EYA1: variants seen among roughly 807,000 people sequenced by gnomAD.
EYA1 encodes EYA transcriptional coactivator and phosphatase 1, also known as protein phosphatase EYA1.
A neutral mutation model predicts 82.0 loss-of-function variants in EYA1; 16 were observed. The observed-to-expected ratio is 0.20, with a 90% CI of 0.13 to 0.30. EYA1 has a LOEUF of 0.30. Among genes scored for constraint, EYA1 ranks in the 10% least tolerant of loss-of-function variants. The pLI is 1.00. For missense variants in EYA1, 633 were observed against 730.7 expected (o/e 0.87, Z 1.54); for synonymous variants, 261 against 264.4 (o/e 0.99, Z 0.12).
chr8:71,221,136 G>A (rs1412751246), intron 12 of EYA1, among the ~76,000 whole-genome samples: 2 of 152,168 alleles, frequency 1.3e-5, no homozygotes, highest in Non-Finnish European at 2.9e-5. Flanking sequence ...ACATCAGGAG[G>A]GACAGCCTGG....
intron 12 of EYA1, among the ~76,000 whole-genome samples, chr8:71,239,139 T>C (rs1460301732): frequency 1.3e-5 from 2 of 152,198 alleles, no homozygotes; most frequent in East Asian, 3.8e-4. Context: ...AATTATTCAT[T>C]AGTAATAATA....
At chr8:71,494,022 C>CAAAAAAAAAAAAAAAAAAAAAA (rs34340467) in intron 2 of EYA1, among the ~76,000 whole-genome samples, 7 of 41,858 alleles carry the variant, frequency 1.7e-4, no homozygotes, top group Admixed American at 3.4e-4. Context: ...GACTCCGTCT[C>CAAAAAAAAAAAAAAAAAAAAAA]AAAAAAAAAA....
At chr8:71,348,601 A>G (rs1210935546) in intron 3 of EYA1, among the ~76,000 whole-genome samples, 1 of 152,180 alleles carries the variant, frequency 6.6e-6, no homozygotes, top group African/African-American at 2.4e-5. Context: ...TGGGGTTCCT[A>G]TTCTTATTAT....
At position 71,359,003 on chromosome 8, in the gene EYA1, T is replaced by C. The variant is rs571087620; in HGVS notation, c.-54-2492A>G. ...GGTATTTTTAATTTAAATACTTCTA[T>C]GAGTGCAAAAATATTTCCCATAACA... On this transcript the variant is annotated intron_variant, in intron 1 of 17. Coordinates refer to ENST00000340726, the MANE Select transcript of EYA1 (RefSeq NM_000503.6). 1.4e-4 allele frequency among the ~76,000 whole-genome samples: 21 copies of C among 152,266 alleles called. No individual in the cohort carries two copies. In the East Asian group the frequency reaches 4.0e-3, roughly 29 times the overall value.
At chr8:71,207,475 A>G (rs1807946213) in intron 17 of EYA1, among the ~76,000 whole-genome samples, 1 of 152,252 alleles carries the variant, frequency 6.6e-6, no homozygotes. Context: ...CATTTTACAC[A>G]TCCACACAGG....
At chr8:71,265,483 A>G (rs1815685243) in intron 11 of EYA1, among the ~76,000 whole-genome samples, 1 of 152,250 alleles carries the variant, frequency 6.6e-6, no homozygotes, top group Non-Finnish European at 1.5e-5. Flanking sequence ...TTTAAGATCC[A>G]TTCTAGCCCA....
At chr8:71,402,919 T>G (rs1830031840) in intron 2 of EYA1, among the ~76,000 whole-genome samples, 1 of 152,214 alleles carries the variant, frequency 6.6e-6, no homozygotes, top group Non-Finnish European at 1.5e-5. Flanking sequence ...AAAATTTGCA[T>G]GCACACTATG....
chr8:71,408,703 G>C (rs1487587241), intron 2 of EYA1, among the ~76,000 whole-genome samples: 1 of 122,460 alleles, frequency 8.2e-6, no homozygotes, highest in African/African-American at 3.4e-5. Flanking sequence ...CCCAATACAG[G>C]AGCACCCAGA....
At chr8:71,543,952 A>T (rs1815353075) in intron 1 of EYA1, among the ~76,000 whole-genome samples, 1 of 152,068 alleles carries the variant, frequency 6.6e-6, no homozygotes, top group South Asian at 2.1e-4. Context: ...CAGTTCCCTC[A>T]TTTCCTGGAT....
intron 4 of EYA1, among the ~76,000 whole-genome samples, chr8:71,322,719 A>G (rs1426981965): frequency 2.0e-5 from 3 of 152,218 alleles, no homozygotes; most frequent in African/African-American, 7.2e-5. Flanking sequence ...CTGTATTACC[A>G]AGAAACATGG....
intron 4 of EYA1, among the ~76,000 whole-genome samples, chr8:71,326,841 C>G (rs1278742324): frequency 6.6e-6 from 1 of 152,170 alleles, no homozygotes; most frequent in Non-Finnish European, 1.5e-5. Flanking sequence ...TTCCATGTCA[C>G]CATTCACCCC....
intron 2 of EYA1, among the ~76,000 whole-genome samples, chr8:71,487,230 C>G (rs1265078988): frequency 6.6e-6 from 1 of 151,990 alleles, no homozygotes; most frequent in African/African-American, 2.4e-5. Context: ...ATTTAAGAAA[C>G]AGATAAATCC....
chr8:71,458,907 T>C (rs1178091631), intron 2 of EYA1, among the ~76,000 whole-genome samples: 5 of 152,092 alleles, frequency 3.3e-5, no homozygotes, highest in Non-Finnish European at 7.4e-5. Flanking sequence ...AGGATTTTCC[T>C]GGATGGAAGA....
intron 2 of EYA1, among the ~76,000 whole-genome samples, chr8:71,498,623 G>A (rs1312520872): frequency 1.3e-5 from 2 of 152,004 alleles, no homozygotes; most frequent in East Asian, 1.9e-4. Flanking sequence ...GCCCTCACAG[G>A]ACCTCTCTTC....
At position 71,271,890 on chromosome 8, in the gene EYA1, G is replaced by C. The variant is rs1185950054; in HGVS notation, c.834C>G (p.Ser278Arg). ...QAVTDPTAEY[S>R]TIHSPSTPIK... ...TGGGTGTTGATGGGCTGTGGATTGT[G>C]CTGTACTCTGCAGGAATATAGGAAG... The change falls in exon 10 of 18, where the codon AGC becomes AGG. Residue 278 changes from serine to arginine, a missense_variant. Physicochemically the swap from Ser to Arg is moderately radical, Grantham distance 110 (BLOSUM62 -1). Coordinates refer to ENST00000340726, the MANE Select transcript of EYA1 (RefSeq NM_000503.6). 5.0e-6 allele frequency: 8 copies of C among 1,614,172 alleles called. No individual in the cohort carries two copies. The highest frequency in any genetic ancestry group is 6.8e-6 in the Non-Finnish European group (8 of 1,180,026).
At chr8:71,533,671 C>A (rs563183095) in intron 2 of EYA1, among the ~76,000 whole-genome samples, 1 of 152,168 alleles carries the variant, frequency 6.6e-6, no homozygotes, top group Non-Finnish European at 1.5e-5. Flanking sequence ...TCCCCCACTT[C>A]CTAAAGCAAA....
chr8:71,356,584 A>G, intron 1 of EYA1, 73 bp from the exon 2 acceptor site: 3 of 1,504,902 alleles, frequency 2.0e-6, no homozygotes, highest in Non-Finnish European at 2.7e-6. Context: ...TATACAGAGC[A>G]CATGGCTGAG....
intron 2 of EYA1, among the ~76,000 whole-genome samples, chr8:71,528,738 A>C (rs1277610123): frequency 6.6e-6 from 1 of 152,218 alleles, no homozygotes; most frequent in African/African-American, 2.4e-5. Context: ...CAAGAAGTTG[A>C]GGTCCTGAAT....
At chr8:71,312,673 G>T (rs1264864394) in intron 7 of EYA1, among the ~76,000 whole-genome samples, 1 of 152,050 alleles carries the variant, frequency 6.6e-6, no homozygotes, top group East Asian at 1.9e-4. Flanking sequence ...CCTGACCTTG[G>T]GTGATCTGCC....
Sources: gnomAD v4.1 joint callset for allele counts (sites outside exome capture counted in the v4.1 genomes callset) on GRCh38, gnomAD v4.1.1 for gene constraint, MANE v1.5 for transcripts, NCBI Gene and HGNC (gene_info 2026-07-23, HGNC 2026-07-21) for gene names.